The following SLC30A8 variants were observed in gnomAD, a reference collection of about 807,000 sequenced individuals.
The protein encoded by SLC30A8 is solute carrier family 30 member 8, also known as proton-coupled zinc antiporter SLC30A8.
SLC30A8 carries 27 observed loss-of-function variants against 36.9 expected under a neutral mutation model. The ratio of observed to expected loss-of-function variants is 0.73; its 90% CI spans 0.54 to 1.01. The LOEUF (loss-of-function observed/expected upper bound fraction) is 1.01, where lower values mean the gene tolerates loss of function less well. SLC30A8 is among the 50% of genes least tolerant of loss of function. The pLI, the probability that SLC30A8 is intolerant of heterozygous loss-of-function variation, is 0.00. For synonymous variants in SLC30A8, 164 were observed against 172.4 expected, an observed-to-expected ratio of 0.95 and a Z score of 0.38; for missense variants, 439 against 452.0, an observed-to-expected ratio of 0.97 and a Z score of 0.26.
At chr8:117,155,165 C>A (rs1213385941) in intron 3 of SLC30A8, among the ~76,000 whole-genome samples, 1 of 152,122 alleles carries the variant, frequency 6.6e-6, no homozygotes, top group Non-Finnish European at 1.5e-5. Context: ...TACCAATGAT[C>A]CTCATGTGCC....
chr8:117,011,155 G>A (rs1195437158), intron 1 of SLC30A8, among the ~76,000 whole-genome samples: 1 of 152,178 alleles, frequency 6.6e-6, no homozygotes, highest in Non-Finnish European at 1.5e-5. Flanking sequence ...CATAAGAACA[G>A]GAGCAAGAAA....
intron 2 of SLC30A8, among the ~76,000 whole-genome samples, chr8:117,098,566 G>A (rs911266534): frequency 6.6e-5 from 10 of 152,174 alleles, no homozygotes; most frequent in Non-Finnish European, 1.2e-4. Flanking sequence ...CAGGCACTAA[G>A]TGAGAAAGAC....
At chr8:117,060,528 T>C (rs919016455) in intron 2 of SLC30A8, among the ~76,000 whole-genome samples, 2 of 152,156 alleles carry the variant, frequency 1.3e-5, no homozygotes, top group Non-Finnish European at 2.9e-5. Flanking sequence ...AAAGCCAATT[T>C]GTAGTAAATA....
intron 2 of SLC30A8, among the ~76,000 whole-genome samples, chr8:117,059,470 ATAGAG>A (rs1191670325): frequency 6.6e-6 from 1 of 152,204 alleles, no homozygotes; most frequent in East Asian, 1.9e-4. Flanking sequence ...ATCTACTAGT[ATAGAG>A]TAATGAGCTG....
chr8:117,157,727 G>GGGT lies in SLC30A8; in HGVS notation c.460_462dup (p.Val154dup), dbSNP rs1289860972. Reference sequence around the variant, plus strand: ...GCCCTGCTCTCCATCCTGTGCATCTGGGTGGTGACTGGCGTGCTAGTGTAC... The same window carrying GGGT: ...GCCCTGCTCTCCATCCTGTGCATCTGGGTGGTGGTGACTGGCGTGCTAGTGTAC... On this transcript the variant is annotated inframe_insertion, in exon 4 of 8. Coordinates refer to ENST00000456015, the MANE Select transcript of SLC30A8 (RefSeq NM_173851.3). 1 of 1,614,082 alleles carries GGGT rather than the reference G, an allele frequency of 6.2e-7. No individual in the cohort carries two copies. The highest frequency in any genetic ancestry group is 8.5e-7 in the Non-Finnish European group (1 of 1,179,996).
intron 2 of SLC30A8, among the ~76,000 whole-genome samples, chr8:117,063,933 A>G (rs1262398339): frequency 1.3e-5 from 2 of 152,172 alleles, no homozygotes; most frequent in Non-Finnish European, 2.9e-5. Flanking sequence ...AGATCCGAGA[A>G]AGGACCACCT....
intron 2 of SLC30A8, among the ~76,000 whole-genome samples, chr8:117,057,772 A>T (rs1426593006): frequency 2.0e-5 from 3 of 152,164 alleles, no homozygotes; most frequent in Admixed American, 6.5e-5. Flanking sequence ...CTATATTTTT[A>T]AAAAGTCCAT....
intron 2 of SLC30A8, among the ~76,000 whole-genome samples, 195 bp downstream of exon 2, chr8:117,147,348 T>C (rs534953035): frequency 6.6e-6 from 1 of 152,364 alleles, no homozygotes; most frequent in East Asian, 1.9e-4. Flanking sequence ...ATTTGAGCTA[T>C]AGCCTTCAAT....
chr8:117,008,945 A>C (rs904514761), intron 1 of SLC30A8, among the ~76,000 whole-genome samples: 1 of 152,180 alleles, frequency 6.6e-6, no homozygotes, highest in Non-Finnish European at 1.5e-5. Context: ...TGGGCAATCT[A>C]CCTATTTTTC....
chr8:117,156,377 A>G (rs1168780627), intron 3 of SLC30A8, among the ~76,000 whole-genome samples: 6 of 152,172 alleles, frequency 3.9e-5, no homozygotes, highest in Non-Finnish European at 1.5e-5. Flanking sequence ...ATTTGGGGGG[A>G]ACATAATTCA....
At chr8:117,052,691 A>G (rs531292454) in intron 2 of SLC30A8, among the ~76,000 whole-genome samples, 2 of 152,200 alleles carry the variant, frequency 1.3e-5, no homozygotes, top group African/African-American at 2.4e-5. Flanking sequence ...GGGATTCTAC[A>G]TAGAGGCATG....
chr8:117,013,863 G>A (rs1816425176), intron 1 of SLC30A8, among the ~76,000 whole-genome samples: 1 of 152,144 alleles, frequency 6.6e-6, no homozygotes, highest in African/African-American at 2.4e-5. Context: ...TGTAGGTCAT[G>A]TGAGAATATA....
chr8:117,025,371 G>T (rs1816841643), intron 1 of SLC30A8, among the ~76,000 whole-genome samples: 1 of 152,116 alleles, frequency 6.6e-6, no homozygotes, highest in Non-Finnish European at 1.5e-5. Context: ...AGAGTAGTCA[G>T]CATTTCTAGA....
intron 2 of SLC30A8, among the ~76,000 whole-genome samples, chr8:117,081,939 A>T (rs1432464025): frequency 6.6e-6 from 1 of 152,072 alleles, no homozygotes; most frequent in Non-Finnish European, 1.5e-5. Context: ...GTACCATTTC[A>T]CTGCAAATAG....
Position 117,157,772 on chromosome 8 carries a change from T to C in SLC30A8, c.500T>C (p.Leu167Pro), listed in dbSNP as rs1822572394. 1 of 1,614,164 alleles carries C rather than the reference T, an allele frequency of 6.2e-7. No individual in the cohort carries two copies. Among genetic ancestry groups the C allele is most frequent in the Non-Finnish European group, 8.5e-7 (1 of 1,180,008 alleles). Residue 167 changes from leucine to proline, a missense_variant, in exon 4 of 8, where the codon CTG becomes CCG. By Grantham distance (98) the Leu-to-Pro change is moderately conservative. Coordinates refer to ENST00000456015, the MANE Select transcript of SLC30A8 (RefSeq NM_173851.3). Reference protein sequence around the residue: ...VLVYLACERLLYPDYQIQATV... With the variant: ...VLVYLACERLPYPDYQIQATV... ...GTGTACCTGGCATGTGAGCGCCTGC[T>C]GTATCCTGATTACCAGATCCAGGCG...
chr8:117,006,083 A>G (rs2130695148), intron 1 of SLC30A8, among the ~76,000 whole-genome samples: 1 of 152,348 alleles, frequency 6.6e-6, no homozygotes, highest in Middle Eastern at 3.4e-3. Flanking sequence ...GATTAAGGGT[A>G]GTGTTATCCA....
At chr8:117,023,735 G>C (rs1186664699) in intron 1 of SLC30A8, among the ~76,000 whole-genome samples, 1 of 132,422 alleles carries the variant, frequency 7.6e-6, no homozygotes, top group Non-Finnish European at 1.6e-5. Flanking sequence ...GTGGGGGAGG[G>C]GGGAGGGATA....
intron 2 of SLC30A8, among the ~76,000 whole-genome samples, chr8:117,059,360 C>G (rs991765312): frequency 3.9e-5 from 6 of 152,164 alleles, no homozygotes; most frequent in African/African-American, 1.4e-4. Context: ...TTTAGAAAAG[C>G]TTAAGAAAAC....
At chr8:117,011,656 A>T (rs1816347731) in intron 1 of SLC30A8, among the ~76,000 whole-genome samples, 1 of 152,158 alleles carries the variant, frequency 6.6e-6, no homozygotes, top group Middle Eastern at 3.2e-3. Context: ...TATAGCATTC[A>T]ATTTTATTGT....
Sources: gnomAD v4.1 joint callset for allele counts (sites outside exome capture counted in the v4.1 genomes callset) on GRCh38, gnomAD v4.1.1 for gene constraint, MANE v1.5 for transcripts, NCBI Gene and HGNC (gene_info 2026-07-23, HGNC 2026-07-21) for gene names.